MEGF11: variants seen among roughly 807,000 people sequenced by gnomAD.
MEGF11 encodes the protein multiple epidermal growth factor-like domains protein 11.
In MEGF11, 126 loss-of-function variants were observed where a neutral mutation model predicts 146.6. That is an observed-to-expected ratio of 0.86 (90% CI 0.74 to 1.00). The LOEUF (loss-of-function observed/expected upper bound fraction) is 1.00, where lower values mean the gene tolerates loss of function less well. MEGF11 is among the 50% of genes least tolerant of loss of function. MEGF11 has a pLI of 0.00. For missense variants in MEGF11, 1,509 were observed against 1,521.2 expected (o/e 0.99, Z 0.13); for synonymous variants, 532 against 583.4 (o/e 0.91, Z 1.27).
chr15:66,138,792 C>G (rs1265258629), intron 1 of MEGF11, among the ~76,000 whole-genome samples: 1 of 152,152 alleles, frequency 6.6e-6, no homozygotes, highest in Non-Finnish European at 1.5e-5. Context: ...GCCAAAGAGA[C>G]ACAGGTTATG....
At chr15:65,954,505 A>G (rs1021788422) in intron 10 of MEGF11, among the ~76,000 whole-genome samples, 18 of 152,190 alleles carry the variant, frequency 1.2e-4, no homozygotes, top group Non-Finnish European at 2.4e-4. Context: ...CCCCTGCCCA[A>G]CATCCAACAG....
rs185557342 is a variant in MEGF11 at position 66,128,756 on chromosome 15, A to G, written c.-8-345T>C. 9.2e-5 allele frequency among the ~76,000 whole-genome samples: 14 copies of G among 152,154 alleles called. No individual in the cohort carries two copies. In the East Asian group the frequency reaches 2.7e-3, roughly 29 times the overall value. On this transcript the variant is annotated intron_variant, in intron 1 of 25. Transcript: ENST00000395614. ...CCCGGGCCCATCCTTGGACCCAGGG[A>G]CCCCAGATCTGGACTGCTTTAAAGG...
rs770643356 is a variant in MEGF11, at chr15:66,123,939, A to G, written c.160T>C (p.Cys54Arg). 9.3e-6 allele frequency: 15 copies of G among 1,613,912 alleles called. No individual in the cohort carries two copies. The highest frequency in any genetic ancestry group is 1.3e-5 in the Non-Finnish European group (15 of 1,179,892). ...HPFDQIYYTRCTDILNWFKCT... is the reference protein window; with the variant it reads ...HPFDQIYYTRRTDILNWFKCT... ...TTGAACCAGTTGAGGATGTCTGTGC[A>G]TCGTGTGTAATAGATCTGATCGAAG... Residue 54 changes from cysteine (C) to arginine (R), a missense_variant, in exon 3 of 26, where the codon TGC (cysteine) becomes CGC (arginine). Coordinates refer to ENST00000395614, the MANE Select transcript of MEGF11 (RefSeq NM_001385028.1).
intron 1 of MEGF11, among the ~76,000 whole-genome samples, chr15:66,142,533 T>A (rs1286260109): frequency 1.3e-5 from 2 of 152,208 alleles, no homozygotes; most frequent in Admixed American, 1.3e-4. Flanking sequence ...CATATATATG[T>A]CTCAGTGAGT....
intron 5 of MEGF11, among the ~76,000 whole-genome samples, chr15:66,077,165 TC>T (rs1271523651): frequency 6.6e-6 from 1 of 152,148 alleles, no homozygotes; most frequent in Non-Finnish European, 1.5e-5. Context: ...CCAGCCTGGC[TC>T]CCACTCCTCT....
At chr15:65,969,155 C>T (rs1056747604) in intron 8 of MEGF11, among the ~76,000 whole-genome samples, 3 of 152,106 alleles carry the variant, frequency 2.0e-5, no homozygotes, top group Non-Finnish European at 2.9e-5. Flanking sequence ...TGGCACATCT[C>T]GACAGGGAAA....
intron 14 of MEGF11, 124 bp from the exon 15 acceptor site, chr15:65,922,596 G>T: frequency 1.5e-6 from 2 of 1,362,798 alleles, no homozygotes; most frequent in Non-Finnish European, 1.9e-6. Context: ...CTTGGAGGGC[G>T]CATCCCTTTC....
chr15:66,160,843 G>C (rs1158611817), intron 1 of MEGF11, among the ~76,000 whole-genome samples: 1 of 152,202 alleles, frequency 6.6e-6, no homozygotes, highest in Non-Finnish European at 1.5e-5. Flanking sequence ...GCTGGGAAGG[G>C]AATCCAGTAT....
chr15:65,937,445 C>T (rs751958961), intron 10 of MEGF11, among the ~76,000 whole-genome samples: 1 of 152,194 alleles, frequency 6.6e-6, no homozygotes, highest in African/African-American at 2.4e-5. Flanking sequence ...TCTTCTCTTC[C>T]GATAGATTCA....
intron 24 of MEGF11, 60 bp from the exon 25 acceptor site, chr15:65,898,994 A>C: frequency 1.9e-6 from 3 of 1,543,564 alleles, no homozygotes; most frequent in Non-Finnish European, 2.7e-6. Context: ...TGTTAATATC[A>C]GAAGCAGACT....
chr15:65,944,231 G>A (rs2080109508), intron 10 of MEGF11, among the ~76,000 whole-genome samples: 1 of 152,184 alleles, frequency 6.6e-6, no homozygotes, highest in Admixed American at 6.5e-5. Context: ...TTAGTAGATG[G>A]GAGAAAAACA....
chr15:66,169,875 T>C (rs1396319249), intron 1 of MEGF11, among the ~76,000 whole-genome samples: 1 of 152,208 alleles, frequency 6.6e-6, no homozygotes, highest in African/African-American at 2.4e-5. Flanking sequence ...TTTGTACAAC[T>C]GGCCAGTCCT....
chr15:65,917,608 C>G (rs983731504), intron 16 of MEGF11, among the ~76,000 whole-genome samples: 5 of 152,258 alleles, frequency 3.3e-5, no homozygotes, highest in African/African-American at 1.2e-4. Flanking sequence ...AGGTGGCTGC[C>G]CGGGCCTCAT....
At chr15:66,207,791 GAGA>G (rs1567284084) in intron 1 of MEGF11, among the ~76,000 whole-genome samples, 2 of 152,180 alleles carry the variant, frequency 1.3e-5, no homozygotes, top group African/African-American at 4.8e-5. Flanking sequence ...TGGCATAAAG[GAGA>G]AGGAGAGGCC....
At chr15:65,930,689 C>T (rs1286428265) in intron 11 of MEGF11, 134 bp downstream of exon 11, 4 of 1,144,048 alleles carry the variant, frequency 3.5e-6, no homozygotes, top group Non-Finnish European at 3.6e-6. Context: ...TGGAACCCAA[C>T]CAATATAGGC....
intron 5 of MEGF11, among the ~76,000 whole-genome samples, chr15:66,023,281 G>A (rs2083224002): frequency 6.6e-6 from 1 of 152,196 alleles, no homozygotes; most frequent in African/African-American, 2.4e-5. Flanking sequence ...CCAGGGTGCA[G>A]CAAACTGCCC....
intron 5 of MEGF11, among the ~76,000 whole-genome samples, chr15:66,013,761 A>G (rs1339271942): frequency 1.3e-5 from 2 of 152,236 alleles, no homozygotes; most frequent in African/African-American, 4.8e-5. Context: ...GGGACACCAC[A>G]TCAGTAAAGA....
At chr15:65,912,982 C>A (rs568509511) in intron 20 of MEGF11, among the ~76,000 whole-genome samples, 1 of 152,310 alleles carries the variant, frequency 6.6e-6, no homozygotes, top group African/African-American at 2.4e-5. Flanking sequence ...ACAGGCTCAG[C>A]CTCACATAGC....
At chr15:66,076,347 TA>T (rs11348293) in intron 5 of MEGF11, among the ~76,000 whole-genome samples, 27,071 of 145,418 alleles carry the variant, frequency 0.19, 2,725 homozygotes, top group East Asian at 0.38. Flanking sequence ...AAGATCTTTG[TA>T]AAAAAAAAAA....
Sources: allele counts gnomAD v4.1 joint callset (sites outside exome capture counted in the v4.1 genomes callset), GRCh38; gene constraint gnomAD v4.1.1; transcripts MANE v1.5; gene names NCBI Gene and HGNC (gene_info 2026-07-23, HGNC 2026-07-21).